The following THADA variants were observed in gnomAD, a reference collection of about 807,000 sequenced individuals.
THADA encodes the protein tRNA (32-2'-O)-methyltransferase regulator THADA.
In THADA, 213 loss-of-function variants were observed where a neutral mutation model predicts 219.8. The ratio of observed to expected loss-of-function variants is 0.97; its 90% CI spans 0.87 to 1.09. The LOEUF (loss-of-function observed/expected upper bound fraction) is 1.09. THADA is among the 50% of genes least tolerant of loss of function. THADA has a pLI of 0.00. For synonymous variants in THADA, 1,018 were observed against 828.9 expected (o/e 1.23, Z -3.92); for missense variants, 2,956 against 2,311.3 (o/e 1.28, Z -5.72).
At chr2:43,335,011 G>A (rs554914319) in intron 30 of THADA, among the ~76,000 whole-genome samples, 2 of 152,228 alleles carry the variant, frequency 1.3e-5, no homozygotes, top group South Asian at 2.1e-4. Flanking sequence ...TGAGGCAATG[G>A]GGATGGGACT....
intron 26 of THADA, among the ~76,000 whole-genome samples, chr2:43,457,400 C>T (rs569662926): frequency 2.4e-4 from 36 of 152,258 alleles, no homozygotes; most frequent in African/African-American, 8.4e-4. Flanking sequence ...CCGTATTTCT[C>T]ATAATTATTT....
At chr2:43,386,964 C>T (rs942855154) in intron 29 of THADA, among the ~76,000 whole-genome samples, 5 of 151,346 alleles carry the variant, frequency 3.3e-5, no homozygotes, top group African/African-American at 9.7e-5. Context: ...TAGATTTATC[C>T]ACGAGTTTCC....
chr2:43,283,090 G>T (rs1250589288), intron 35 of THADA, among the ~76,000 whole-genome samples: 1 of 152,186 alleles, frequency 6.6e-6, no homozygotes, highest in Non-Finnish European at 1.5e-5. Flanking sequence ...TGGTTTAAAA[G>T]TGTGTGGCAC....
intron 29 of THADA, among the ~76,000 whole-genome samples, chr2:43,380,935 C>T (rs928419171): frequency 3.3e-5 from 5 of 151,510 alleles, no homozygotes; most frequent in Non-Finnish European, 7.4e-5. Flanking sequence ...CCCGTCTCTA[C>T]GAAAAATACA....
At chr2:43,291,064 T>C (rs1674635981) in intron 34 of THADA, among the ~76,000 whole-genome samples, 1 of 151,606 alleles carries the variant, frequency 6.6e-6, no homozygotes, top group Non-Finnish European at 1.5e-5. Flanking sequence ...AAATAAAGAG[T>C]CCAGCTAGAG....
intron 31 of THADA, among the ~76,000 whole-genome samples, chr2:43,308,753 C>A (rs1373562311): frequency 5.6e-5 from 1 of 17,718 alleles, no homozygotes; most frequent in Non-Finnish European, 1.2e-4. Flanking sequence ...ATTGGATACC[C>A]ATACCAAAAA....
chr2:43,386,604 T>A (rs1158413241), intron 29 of THADA, among the ~76,000 whole-genome samples: 1 of 152,102 alleles, frequency 6.6e-6, no homozygotes, highest in Non-Finnish European at 1.5e-5. Context: ...AATATTAACA[T>A]AATTACGGGC....
intron 30 of THADA, among the ~76,000 whole-genome samples, chr2:43,326,167 A>C (rs1484411360): frequency 2.0e-5 from 1 of 50,770 alleles, no homozygotes; most frequent in Non-Finnish European, 4.8e-5. Context: ...ATGTCTGTCA[A>C]AAAAAAAAAA....
chr2:43,522,772 A>T (rs564774406), intron 22 of THADA, among the ~76,000 whole-genome samples: 64 of 152,338 alleles, frequency 4.2e-4, no homozygotes, highest in African/African-American at 1.3e-3. Flanking sequence ...GAATGTATAC[A>T]TCAAGACATT....
intron 35 of THADA, among the ~76,000 whole-genome samples, chr2:43,280,126 C>T (rs543558340): frequency 4.6e-5 from 7 of 152,230 alleles, no homozygotes; most frequent in African/African-American, 9.6e-5. Context: ...GTAGGCTTTC[C>T]GGAGGCAACC....
At chr2:43,358,123 G>A (rs1669083622) in intron 29 of THADA, among the ~76,000 whole-genome samples, 2 of 152,084 alleles carry the variant, frequency 1.3e-5, no homozygotes, top group African/African-American at 4.8e-5. Flanking sequence ...GGAGGACGGT[G>A]CCATTTTATC....
rs377636331 is a variant in THADA, at chr2:43,350,504, T to A, written c.4228-6267A>T. Among the ~76,000 whole-genome samples, 35 of 152,372 alleles carry A rather than the reference T, an allele frequency of 2.3e-4. No individual in the cohort carries two copies. The East Asian group carries it at 6.4e-3, about 28-fold the overall frequency. ...TCAGGCATATTAACTGAACCCCAAC[T>A]AGGCCGTAGGCCTCTCAGGAGCACC... On this transcript the variant is annotated intron_variant, in intron 29 of 37. Coordinates refer to ENST00000405975, the MANE Select transcript of THADA (RefSeq NM_022065.5).
intron 29 of THADA, among the ~76,000 whole-genome samples, chr2:43,365,390 G>C (rs2104602763): frequency 6.6e-6 from 1 of 152,072 alleles, no homozygotes; most frequent in African/African-American, 2.4e-5. Flanking sequence ...GGCCAATAGA[G>C]TGAAACCCCG....
At chr2:43,593,949 G>A (rs1263952336) in intron 1 of THADA, among the ~76,000 whole-genome samples, 2 of 152,078 alleles carry the variant, frequency 1.3e-5, no homozygotes, top group African/African-American at 4.8e-5. Flanking sequence ...TTCTTGTCTT[G>A]CTATTAGATT....
rs1003907342 is a variant in THADA at position 43,287,194 on chromosome 2, T to C, written c.5011-133A>G. The C allele has an allele frequency of 1.1e-5, 8 of 753,380 alleles. No homozygotes were observed. In the African/African-American group the frequency reaches 1.4e-4, roughly 13 times the overall value. 46.7% of individuals were successfully genotyped at this position (753,380 alleles called of 1,614,324 possible). A position where few individuals can be genotyped will look rare whatever the true frequency, so the allele number is the denominator to read the frequency against. ...CAATGGGAAGAAAGTTGTTTTTTAG[T>C]TGCTTTTCGATTCCAACTAGAGAGA... is the stretch of plus-strand genomic sequence containing the variant. On this transcript the variant is annotated intron_variant, in intron 34 of 37. Coordinates refer to ENST00000405975, the MANE Select transcript of THADA (RefSeq NM_022065.5).
intron 34 of THADA, among the ~76,000 whole-genome samples, chr2:43,287,619 A>G (rs960754324): frequency 3.9e-5 from 6 of 152,178 alleles, no homozygotes; most frequent in Admixed American, 3.9e-4. Context: ...TTTTGGATGC[A>G]AATCAGGTTA....
At chr2:43,234,292 G>A (rs533495796) in intron 36 of THADA, among the ~76,000 whole-genome samples, 3 of 152,326 alleles carry the variant, frequency 2.0e-5, no homozygotes, top group African/African-American at 7.2e-5. Flanking sequence ...TAGTGACCCT[G>A]CAGTAGGGCC....
At chr2:43,323,293 C>A (rs1678962689) in intron 30 of THADA, among the ~76,000 whole-genome samples, 1 of 152,130 alleles carries the variant, frequency 6.6e-6, no homozygotes, top group African/African-American at 2.4e-5. Flanking sequence ...AGGTGCATGC[C>A]ACCACATCCA....
chr2:43,277,648 C>T (rs535915374), intron 36 of THADA, among the ~76,000 whole-genome samples: 7 of 152,240 alleles, frequency 4.6e-5, no homozygotes, highest in East Asian at 3.9e-4. Flanking sequence ...TTTCTTTCTT[C>T]GAGGAAAACT....
Sources: gnomAD v4.1 joint callset for allele counts (sites outside exome capture counted in the v4.1 genomes callset) on GRCh38, gnomAD v4.1.1 for gene constraint, MANE v1.5 for transcripts, NCBI Gene and HGNC (gene_info 2026-07-23, HGNC 2026-07-21) for gene names.